The following BUB1B variants were observed in gnomAD, a reference collection of about 807,000 sequenced individuals.
BUB1B encodes the protein mitotic checkpoint serine/threonine-protein kinase BUB1 beta.
BUB1B carries 86 observed loss-of-function variants against 137.7 expected under a neutral mutation model. That is an observed-to-expected ratio of 0.62 (90% CI 0.52 to 0.75). BUB1B has a LOEUF of 0.75. BUB1B is among the 30% of genes least tolerant of loss of function. The pLI is 0.00. For missense variants in BUB1B, 1,130 were observed against 1,236.9 expected, an observed-to-expected ratio of 0.91 and a Z score of 1.30; for synonymous variants, 420 against 417.9, an observed-to-expected ratio of 1.00 and a Z score of -0.06.
intron 8 of BUB1B, among the ~76,000 whole-genome samples, chr15:40,191,242 A>T (rs1245327857): frequency 3.3e-5 from 5 of 152,182 alleles, no homozygotes; most frequent in Non-Finnish European, 7.4e-5. Flanking sequence ...TTCACTTAAT[A>T]TTTTTGGACC....
intron 14 of BUB1B, among the ~76,000 whole-genome samples, chr15:40,203,230 T>A (rs2037596851): frequency 6.6e-6 from 1 of 152,176 alleles, no homozygotes; most frequent in Admixed American, 6.5e-5. Flanking sequence ...CAAAAAGGAA[T>A]GAAGTACTAA....
At chr15:40,198,648 T>C (rs964231406) in intron 9 of BUB1B, among the ~76,000 whole-genome samples, 2 of 152,212 alleles carry the variant, frequency 1.3e-5, no homozygotes, top group African/African-American at 4.8e-5. Context: ...TCAAAAACTT[T>C]AGCTTCTTTC....
chr15:40,181,862 T>C (rs1471446202), intron 5 of BUB1B, among the ~76,000 whole-genome samples: 3 of 152,258 alleles, frequency 2.0e-5, no homozygotes, highest in Admixed American at 6.5e-5. Context: ...TCCATTCATT[T>C]CAAATGTTTT....
chr15:40,165,268 C>A, intron 2 of BUB1B, 72 bp downstream of exon 2: 1 of 1,599,140 alleles, frequency 6.3e-7, no homozygotes, highest in South Asian at 1.1e-5. Context: ...GGTGTGGATC[C>A]ATGAGAGATG....
rs1048294388 is a variant in BUB1B, at chr15:40,209,962, A to G, written c.2285-148A>G. The G allele has an allele frequency of 7.4e-6, 7 of 950,654 alleles. No homozygotes were observed. In the African/African-American group the frequency reaches 1.0e-4, roughly 14 times the overall value. 58.9% of individuals were successfully genotyped at this position (950,654 alleles called of 1,614,324 possible). On this transcript the variant is annotated intron_variant, in intron 17 of 22. Coordinates refer to ENST00000287598, the MANE Select transcript of BUB1B (RefSeq NM_001211.6). ...TAGGAATTATGTCTTCTCCTCTTGC[A>G]ATCTTTAACAAATTATTTTTAAAAG...
At chr15:40,198,239 G>GTTTTTTTTTTTGTT (rs1555382906) in intron 9 of BUB1B, among the ~76,000 whole-genome samples, 221 of 146,164 alleles carry the variant, frequency 1.5e-3, no homozygotes, top group African/African-American at 5.2e-3. Flanking sequence ...TTTCTATTGT[G>GTTTTTTTTTTTGTT]TTTTTTTTTT....
chr15:40,202,796 A>G lies in BUB1B; in HGVS notation c.1734+102A>G, dbSNP rs868649706. Reference sequence around the variant, plus strand: ...AAATTGAAACCACTGACTTGAATTAAGCACATGAAAAGATGCTCAGCATTA... The same window carrying G: ...AAATTGAAACCACTGACTTGAATTAGGCACATGAAAAGATGCTCAGCATTA... On this transcript the variant is annotated intron_variant, in intron 14 of 22. Transcript: ENST00000287598. 9.8e-6 allele frequency: 10 copies of G among 1,021,396 alleles called. No individual in the cohort carries two copies. In the African/African-American group the frequency reaches 1.1e-4, roughly 11 times the overall value. The allele number at this position is 1,021,396 out of a possible 1,614,324, so 63.3% of individuals were successfully genotyped here.
chr15:40,218,339 T>C, intron 21 of BUB1B, 117 bp from the exon 22 acceptor site: 1 of 766,572 alleles, frequency 1.3e-6, no homozygotes, highest in South Asian at 1.5e-5. Flanking sequence ...TACTAAAATG[T>C]ATGTCATAAA....
rs750955698 is a variant in BUB1B at position 40,185,130 on chromosome 15, C to T, written c.752-35C>T. The T allele has an allele frequency of 3.9e-6, 6 of 1,554,890 alleles. No individual in the cohort carries two copies. The South Asian group carries it at 4.5e-5, about 12-fold the overall frequency. The stretch of plus-strand genomic sequence containing the variant: ...TCTGGCATCTAAGTTAATAATGAAA[C>T]ATTTTACATGAGGTTTTAATATTTT... On this transcript the variant is annotated intron_variant, in intron 6 of 22. Coordinates refer to ENST00000287598, the MANE Select transcript of BUB1B (RefSeq NM_001211.6).
At chr15:40,186,611 A>AT (rs779133905) in intron 8 of BUB1B, among the ~76,000 whole-genome samples, 177 of 138,780 alleles carry the variant, frequency 1.3e-3, no homozygotes, top group Non-Finnish European at 1.4e-3. Flanking sequence ...CGCCCAGCTA[A>AT]TTTTTTTTTT....
chr15:40,209,677 A>G lies in BUB1B; in HGVS notation c.2186A>G (p.Gln729Arg). Residue 729 changes from glutamine (Q) to arginine (R), a missense_variant, in exon 17 of 23, where the codon CAG becomes CGG. Physicochemically the swap from Gln to Arg is conservative, Grantham distance 43. Transcript: ENST00000287598. Reference sequence around the variant, plus strand: ...CCATGGTGTTCACAGTATCGCAGACAGCTACTGAAGTCCCTACCAGAGTTA... The same window carrying G: ...CCATGGTGTTCACAGTATCGCAGACGGCTACTGAAGTCCCTACCAGAGTTA... Reference protein sequence around the residue: ...QSPWCSQYRRQLLKSLPELSA... With the variant: ...QSPWCSQYRRRLLKSLPELSA... 1 of 1,614,180 alleles carries G rather than the reference A, an allele frequency of 6.2e-7. No individual in the cohort carries two copies. Among genetic ancestry groups the G allele is most frequent in the Non-Finnish European group, 8.5e-7 (1 of 1,180,032 alleles).
rs140203443 is a variant in BUB1B, at chr15:40,162,633, G to C, written c.35+1378G>C. 1.4e-3 allele frequency among the ~76,000 whole-genome samples: 212 copies of C among 152,276 alleles called. 1 individual carries two copies. Among genetic ancestry groups the C allele is most frequent in the African/African-American group, 5.0e-3 (208 of 41,552 alleles). On this transcript the variant is annotated intron_variant, in intron 1 of 22. Coordinates refer to ENST00000287598, the MANE Select transcript of BUB1B (RefSeq NM_001211.6). ...GCTGACTGACTGAGGGGTATGAGAA[G>C]GGCATCAAAGTTGGCACTAAGATTT...
intron 18 of BUB1B, among the ~76,000 whole-genome samples, chr15:40,212,095 A>G (rs2037720655): frequency 6.6e-6 from 1 of 152,220 alleles, no homozygotes; most frequent in African/African-American, 2.4e-5. Context: ...TCAGCCTCCC[A>G]GAGTGCTGGG....
chr15:40,211,035 C>T (rs2037704460), intron 18 of BUB1B, among the ~76,000 whole-genome samples: 1 of 152,080 alleles, frequency 6.6e-6, no homozygotes, highest in Admixed American at 6.5e-5. Flanking sequence ...CCTCAGTTTT[C>T]TCTGTTCTCT....
intron 18 of BUB1B, among the ~76,000 whole-genome samples, chr15:40,212,192 C>T (rs939913188): frequency 3.3e-5 from 5 of 152,242 alleles, no homozygotes; most frequent in African/African-American, 9.6e-5. Flanking sequence ...CTCAGCCTCA[C>T]TTCCATGGGT....
At chr15:40,217,298 A>G (rs2037806578) in intron 20 of BUB1B, 198 bp from the exon 21 acceptor site, 4 of 609,514 alleles carry the variant, frequency 6.6e-6, no homozygotes, top group Non-Finnish European at 1.2e-5. Flanking sequence ...TTGTGTCACC[A>G]AAGTGGTGAC....
intron 2 of BUB1B, among the ~76,000 whole-genome samples, chr15:40,166,785 A>T (rs1039550218): frequency 3.3e-5 from 5 of 152,154 alleles, no homozygotes; most frequent in Non-Finnish European, 5.9e-5. Flanking sequence ...TTTGTACCAA[A>T]TCCACTCCAG....
rs776607305 is a variant in BUB1B at position 40,206,341 on chromosome 15, T to C, written c.1892T>C (p.Leu631Pro). 6.2e-7 allele frequency: 1 copy of C among 1,614,136 alleles called. No individual in the cohort carries two copies. The highest frequency in any genetic ancestry group is 8.5e-7 in the Non-Finnish European group (1 of 1,180,014). Residue 631 changes from leucine to proline, a missense_variant, in exon 15 of 23, where the codon CTC (leucine) becomes CCC (proline). Physicochemically the swap from Leu to Pro is moderately conservative, Grantham distance 98. Coordinates refer to ENST00000287598, the MANE Select transcript of BUB1B (RefSeq NM_001211.6). ...PFHEIMSLKD[L>P]PSDPERLLPE... ...CATGAGATAATGTCCTTGAAGGATC[T>C]CCCTTCTGATCCTGAGAGACTGTTA...
At chr15:40,174,256 G>A (rs965237387) in intron 4 of BUB1B, among the ~76,000 whole-genome samples, 4 of 152,178 alleles carry the variant, frequency 2.6e-5, no homozygotes, top group Admixed American at 2.0e-4. Flanking sequence ...CACATTCAGA[G>A]TTATAACTTT....
Sources: allele counts gnomAD v4.1 joint callset (sites outside exome capture counted in the v4.1 genomes callset), GRCh38; gene constraint gnomAD v4.1.1; transcripts MANE v1.5; gene names NCBI Gene and HGNC (gene_info 2026-07-23, HGNC 2026-07-21).